The following ZNF592 variants were observed in gnomAD, a reference collection of about 807,000 sequenced individuals.
The protein encoded by ZNF592 is spinocerebellar ataxia, autosomal recessive 5.
ZNF592 carries 11 observed loss-of-function variants against 80.3 expected under a neutral mutation model. That is an observed-to-expected ratio of 0.14 (90% CI 0.09 to 0.23). The LOEUF (loss-of-function observed/expected upper bound fraction) is 0.23, where lower values mean the gene tolerates loss of function less well. ZNF592 is among the 10% of genes least tolerant of loss of function. The probability of loss-of-function intolerance (pLI) is 1.00; values close to 1 mark genes in which losing one functional copy is unlikely to be tolerated. For missense variants in ZNF592, 1,420 were observed against 1,633.9 expected, an observed-to-expected ratio of 0.87 and a Z score of 2.26; for synonymous variants, 646 against 640.3, an observed-to-expected ratio of 1.01 and a Z score of -0.13.
intron 1 of ZNF592, among the ~76,000 whole-genome samples, chr15:84,748,939 C>A (rs1256825880): frequency 6.6e-6 from 1 of 151,402 alleles, no homozygotes; most frequent in Non-Finnish European, 1.5e-5. Flanking sequence ...CTTGGCAGGC[C>A]GGGCACGCTG....
intron 3 of ZNF592, among the ~76,000 whole-genome samples, chr15:84,781,710 T>C (rs1211504318): frequency 1.3e-5 from 2 of 152,090 alleles, no homozygotes; most frequent in Non-Finnish European, 2.9e-5. Context: ...TAAAGGGAGA[T>C]GGTGAGGTTT....
chr15:84,783,483 C>T lies in ZNF592; in HGVS notation c.808C>T (p.Pro270Ser), dbSNP rs769657850. The T allele has an allele frequency of 3.1e-6, 5 of 1,614,214 alleles. No homozygotes were observed. The highest frequency in any genetic ancestry group is 1.7e-5 in the Admixed American group (1 of 60,024). Reference sequence around the variant, plus strand: ...GCTTGGTACCTGCTCATCAGTCCCCCCTAGGCAGCGTCTAAAGCCAGCTCA... The same window carrying T: ...GCTTGGTACCTGCTCATCAGTCCCCTCTAGGCAGCGTCTAAAGCCAGCTCA... Reference protein sequence around the residue: ...RELGTCSSVPPRQRLKPAHSK... With the variant: ...RELGTCSSVPSRQRLKPAHSK... The change falls in exon 4 of 11, where the codon CCT becomes TCT. Residue 270 changes from proline to serine, a missense_variant. This residue lies in a region of ZNF592 where 373 missense variants were observed against 355.5 expected (regional missense o/e 1.05). Coordinates refer to ENST00000560079, the MANE Select transcript of ZNF592 (RefSeq NM_014630.3). This position sits in a 1 kb window ranked among gnomAD's most constrained non-coding sequence, Gnocchi z 5.0.
At chr15:84,786,300 G>A (rs991961059) in intron 4 of ZNF592, among the ~76,000 whole-genome samples, 6 of 152,180 alleles carry the variant, frequency 3.9e-5, no homozygotes, top group Non-Finnish European at 5.9e-5. Flanking sequence ...ACTTAGTTGC[G>A]CAGAGTGCCC....
In ZNF592 at chr15:84,802,255, C is replaced by T. The variant is rs370924552; in HGVS notation, c.3666C>T (p.Ala1222=). The T allele has an allele frequency of 3.5e-5, 56 of 1,605,450 alleles. No individual in the cohort carries two copies. In the African/African-American group the frequency reaches 5.6e-4, roughly 16 times the overall value. ...ETRENGLEEC[A]GEPLSADPEA... ...GAGAGAATGGACTGGAAGAATGTGC[C>T]GGTGAGCCTTTGTCAGCTGACCCAG... The change falls in exon 11 of 11, where the codon GCC becomes GCT. Residue 1222 remains alanine, a synonymous_variant. Coordinates refer to ENST00000560079, the MANE Select transcript of ZNF592 (RefSeq NM_014630.3).
intron 10 of ZNF592, among the ~76,000 whole-genome samples, chr15:84,801,133 C>T (rs753295189): frequency 1.3e-5 from 2 of 152,202 alleles, no homozygotes; most frequent in Non-Finnish European, 2.9e-5. Context: ...CCAGCCTAGG[C>T]AACATTGGGA....
intron 4 of ZNF592, among the ~76,000 whole-genome samples, chr15:84,789,243 CA>C (rs35184729): frequency 0.82 from 114,012 of 139,696 alleles, 46,133 homozygotes; most frequent in East Asian, 0.94. Flanking sequence ...GACCCTGTCT[CA>C]AAAAAAAAAA....
rs1449272789 is a variant in ZNF592, at chr15:84,799,039, A to G, written c.3025-59A>G. 1.9e-6 allele frequency: 3 copies of G among 1,606,772 alleles called. No homozygotes were observed. In the African/African-American group the frequency reaches 4.0e-5, roughly 21 times the overall value. On this transcript the variant is annotated intron_variant, in intron 8 of 10. Transcript: ENST00000560079. This position sits in a 1 kb window ranked among gnomAD's most constrained non-coding sequence, Gnocchi z 4.2. ...CTGCCCATGGCATCTGAGAAGAAAAATGCACCCAGAACTATCTTACAGTTC... is the reference window on the plus strand; with the variant it reads ...CTGCCCATGGCATCTGAGAAGAAAAGTGCACCCAGAACTATCTTACAGTTC...
intron 4 of ZNF592, 58 bp from the exon 5 acceptor site, chr15:84,790,647 T>G: frequency 1.3e-6 from 2 of 1,579,058 alleles, no homozygotes; most frequent in Non-Finnish European, 1.7e-6. Flanking sequence ...CAGCCCTGAT[T>G]GGAGAGCCAC....
chr15:84,762,277 A>G (rs2141965429), intron 1 of ZNF592, among the ~76,000 whole-genome samples: 1 of 152,320 alleles, frequency 6.6e-6, no homozygotes, highest in South Asian at 2.1e-4. Flanking sequence ...AGTGTTATGG[A>G]GAAAAATGAA....
intron 2 of ZNF592, among the ~76,000 whole-genome samples, chr15:84,777,039 G>A (rs937261178): frequency 4.0e-5 from 6 of 150,516 alleles, no homozygotes; most frequent in Non-Finnish European, 8.9e-5. Flanking sequence ...GAGACAGTGC[G>A]AGAAAAAAAA....
intron 2 of ZNF592, among the ~76,000 whole-genome samples, chr15:84,773,008 C>T (rs1962128356): frequency 6.6e-6 from 1 of 152,084 alleles, no homozygotes; most frequent in Admixed American, 6.5e-5. Flanking sequence ...AGGCTTTATG[C>T]AGGGGGGAAA....
intron 3 of ZNF592, among the ~76,000 whole-genome samples, chr15:84,779,751 G>A (rs754487937): frequency 2.6e-5 from 4 of 151,890 alleles, no homozygotes; most frequent in Non-Finnish European, 5.9e-5. Flanking sequence ...CTTTACTTCT[G>A]ACCATTCTCA....
chr15:84,788,576 C>T (rs543398904), intron 4 of ZNF592, among the ~76,000 whole-genome samples: 20 of 152,086 alleles, frequency 1.3e-4, no homozygotes, highest in South Asian at 2.1e-4. Context: ...GTAAAATACA[C>T]GTAATGTAAA....
intron 1 of ZNF592, among the ~76,000 whole-genome samples, chr15:84,762,122 T>A (rs1331828948): frequency 6.6e-6 from 1 of 152,228 alleles, no homozygotes; most frequent in Non-Finnish European, 1.5e-5. Context: ...ATATATGTGA[T>A]GGTCTGCTAT....
At chr15:84,794,568 C>G (rs1278856233) in intron 5 of ZNF592, among the ~76,000 whole-genome samples, 1 of 152,056 alleles carries the variant, frequency 6.6e-6, no homozygotes, top group African/African-American at 2.4e-5. Flanking sequence ...CTCCGCCACC[C>G]CGGGTTCAAG....
At position 84,783,659 on chromosome 15, in the gene ZNF592, A is replaced by G; in HGVS notation, c.984A>G (p.Ser328=). Residue 328 remains serine (S), a synonymous_variant, in exon 4 of 11, where the codon TCA becomes TCG. Coordinates refer to ENST00000560079, the MANE Select transcript of ZNF592 (RefSeq NM_014630.3). The surrounding 1 kb of genome is among the most constrained non-coding windows in gnomAD (Gnocchi z 5.0). ...AAGGTAGCCCCAAAATGCCCAAGTC[A>G]CCAAAGAGTCCCCGGAGCCCTCTGG... The part of the protein sequence containing the change: ...SSKGSPKMPK[S]PKSPRSPLEA... 4 of 1,614,222 alleles carry G rather than the reference A, an allele frequency of 2.5e-6. No homozygotes were observed. Among genetic ancestry groups the G allele is most frequent in the Non-Finnish European group, 2.5e-6 (3 of 1,180,042 alleles).
chr15:84,800,717 C>T (rs1183976476), intron 10 of ZNF592, among the ~76,000 whole-genome samples: 1 of 152,220 alleles, frequency 6.6e-6, no homozygotes, highest in Admixed American at 6.5e-5. Context: ...GTAAAATGTA[C>T]ATCCTCCCTT....
Position 84,798,242 on chromosome 15 carries a change from A to G in ZNF592, c.2577-73A>G. On this transcript the variant is annotated intron_variant, in intron 6 of 10. Coordinates refer to ENST00000560079, the MANE Select transcript of ZNF592 (RefSeq NM_014630.3). This position sits in a 1 kb window ranked among gnomAD's most constrained non-coding sequence, Gnocchi z 4.5. ...GCTTTCCCAAACTTGACCCTGGTTC[A>G]GAGAGAGCAGAGATGGGTGGAGGGG... is the stretch of plus-strand genomic sequence containing the variant. The G allele has an allele frequency of 6.2e-7, 1 of 1,608,706 alleles. No homozygotes were observed. Among genetic ancestry groups the G allele is most frequent in the African/African-American group, 1.3e-5 (1 of 74,954 alleles).
chr15:84,780,851 A>G (rs1251935583), intron 3 of ZNF592, among the ~76,000 whole-genome samples: 1 of 152,138 alleles, frequency 6.6e-6, no homozygotes, highest in Non-Finnish European at 1.5e-5. Context: ...AAAAGTTTTG[A>G]AAAAATAACC....
Sources: allele counts gnomAD v4.1 joint callset (sites outside exome capture counted in the v4.1 genomes callset), GRCh38; gene constraint gnomAD v4.1.1; regional missense constraint gnomAD v4.1.1; non-coding constraint Gnocchi (gnomAD v3.1); transcripts MANE v1.5; gene names NCBI Gene and HGNC (gene_info 2026-07-23, HGNC 2026-07-21).